ADGRB3: variants seen among roughly 807,000 people sequenced by gnomAD.
ADGRB3 encodes the protein adhesion G protein-coupled receptor B3.
Under a neutral mutation model 193.4 loss-of-function variants are expected in ADGRB3, and 37 were observed. The observed-to-expected ratio is 0.19, with a 90% CI of 0.15 to 0.25. The LOEUF (loss-of-function observed/expected upper bound fraction) is 0.25, where lower values mean the gene tolerates loss of function less well. ADGRB3 is among the 10% of genes least tolerant of loss of function. ADGRB3 has a pLI of 1.00. For synonymous variants in ADGRB3, 690 were observed against 644.2 expected (o/e 1.07, Z -1.08); for missense variants, 1,637 against 1,852.9 (o/e 0.88, Z 2.14).
intron 3 of ADGRB3, among the ~76,000 whole-genome samples, chr6:68,705,341 G>T (rs1765306681): frequency 6.6e-6 from 1 of 152,190 alleles, no homozygotes; most frequent in Non-Finnish European, 1.5e-5. Flanking sequence ...CAGAGTAAAT[G>T]CTCAATAAAT....
At chr6:68,781,975 T>C (rs545327361) in intron 3 of ADGRB3, among the ~76,000 whole-genome samples, 26 of 152,184 alleles carry the variant, frequency 1.7e-4, no homozygotes, top group African/African-American at 6.3e-4. Context: ...TTTTTTTTAT[T>C]TTATTTTTAT....
At chr6:68,819,587 G>C (rs1440453424) in intron 3 of ADGRB3, among the ~76,000 whole-genome samples, 1 of 151,964 alleles carries the variant, frequency 6.6e-6, no homozygotes, top group African/African-American at 2.4e-5. Context: ...ATATGCAGCT[G>C]CTGCGGAGTA....
At chr6:69,361,548 T>C in intron 29 of ADGRB3, 36 bp downstream of exon 29, 1 of 1,575,932 alleles carries the variant, frequency 6.3e-7, no homozygotes, top group Non-Finnish European at 8.7e-7. Flanking sequence ...CCTTGATAGT[T>C]GAAATATGAA....
At chr6:68,744,997 A>G (rs1003407166) in intron 3 of ADGRB3, among the ~76,000 whole-genome samples, 3 of 152,172 alleles carry the variant, frequency 2.0e-5, no homozygotes, top group Non-Finnish European at 1.5e-5. Context: ...AATAAAAAAG[A>G]TGGAAAGTGC....
At chr6:68,786,211 G>T (rs1023163197) in intron 3 of ADGRB3, among the ~76,000 whole-genome samples, 122 of 152,188 alleles carry the variant, frequency 8.0e-4, no homozygotes, top group African/African-American at 2.6e-3. Context: ...TGGTGTTTTA[G>T]ACATGAAGTC....
chr6:69,095,475 A>G (rs72919315), intron 17 of ADGRB3, among the ~76,000 whole-genome samples: 5,729 of 152,268 alleles, frequency 0.038, 145 homozygotes, highest in Non-Finnish European at 0.055. Context: ...AGGCACACCC[A>G]ACATATTTAG....
intron 12 of ADGRB3, among the ~76,000 whole-genome samples, chr6:69,016,506 G>A (rs1254138674): frequency 6.6e-6 from 1 of 151,896 alleles, no homozygotes; most frequent in South Asian, 2.1e-4. Context: ...GTAATTGGCA[G>A]TGACCATCTT....
intron 13 of ADGRB3, among the ~76,000 whole-genome samples, chr6:69,021,628 G>A (rs1770273578): frequency 6.6e-6 from 1 of 151,816 alleles, no homozygotes; most frequent in Non-Finnish European, 1.5e-5. Flanking sequence ...ACCTTTGAGA[G>A]CATTAGTTCT....
At chr6:68,987,452 A>G (rs1015656395) in intron 10 of ADGRB3, among the ~76,000 whole-genome samples, 5 of 152,082 alleles carry the variant, frequency 3.3e-5, no homozygotes, top group Non-Finnish European at 7.4e-5. Flanking sequence ...GTTTCTTCAT[A>G]TGAAAAAGAT....
intron 26 of ADGRB3, among the ~76,000 whole-genome samples, chr6:69,342,320 C>T (rs1260457996): frequency 6.6e-6 from 1 of 152,012 alleles, no homozygotes. Context: ...TCTTTAGCTC[C>T]ATCACTGAAA....
At chr6:68,739,418 T>C (rs778754455) in intron 3 of ADGRB3, among the ~76,000 whole-genome samples, 33 of 152,088 alleles carry the variant, frequency 2.2e-4, no homozygotes, top group Non-Finnish European at 3.8e-4. Context: ...AATGATTACA[T>C]AGGAAACAAA....
chr6:69,357,236 A>G (rs1319895116), intron 28 of ADGRB3, among the ~76,000 whole-genome samples: 1 of 152,066 alleles, frequency 6.6e-6, no homozygotes, highest in African/African-American at 2.4e-5. Context: ...TGATTTGCAT[A>G]TGATTTCTAT....
intron 23 of ADGRB3, 190 bp from the exon 24 acceptor site, chr6:69,332,733 A>G (rs1360218559): frequency 1.1e-5 from 11 of 985,322 alleles, no homozygotes; most frequent in Non-Finnish European, 1.2e-5. Context: ...GTACTTTACA[A>G]CTTTAAAGTA....
rs1318273833 is a variant in ADGRB3 at position 69,349,117 on chromosome 6, C to T, written c.3460-5116C>T. Among the ~76,000 whole-genome samples, 3 of 152,230 alleles carry T rather than the reference C, an allele frequency of 2.0e-5. No homozygotes were observed. The East Asian group carries it at 5.8e-4, about 29-fold the overall frequency. ...TCTGTGACACTGAAATAATGTCTGC[C>T]ACAAAGGGGATGGCATGAGGCTGAA... is the stretch of plus-strand genomic sequence containing the variant. On this transcript the variant is annotated intron_variant, in intron 26 of 31. Coordinates refer to ENST00000370598, the MANE Select transcript of ADGRB3 (RefSeq NM_001704.3).
chr6:68,683,090 A>G (rs1431873403), intron 3 of ADGRB3, among the ~76,000 whole-genome samples: 1 of 152,120 alleles, frequency 6.6e-6, no homozygotes, highest in Non-Finnish European at 1.5e-5. Context: ...TGGCCAATTC[A>G]GTGTTTTCTT....
chr6:68,663,585 GT>G (rs1402119196), intron 3 of ADGRB3, among the ~76,000 whole-genome samples: 1 of 151,712 alleles, frequency 6.6e-6, no homozygotes, highest in Non-Finnish European at 1.5e-5. Flanking sequence ...GAACTTCAGG[GT>G]TAATATGAAA....
At chr6:68,686,014 T>C (rs1423580965) in intron 3 of ADGRB3, among the ~76,000 whole-genome samples, 1 of 152,240 alleles carries the variant, frequency 6.6e-6, no homozygotes, top group Non-Finnish European at 1.5e-5. Context: ...CATGTCAATA[T>C]AATCTTTTTA....
At chr6:68,974,214 A>T (rs1310369560) in intron 8 of ADGRB3, among the ~76,000 whole-genome samples, 1 of 152,162 alleles carries the variant, frequency 6.6e-6, no homozygotes, top group Non-Finnish European at 1.5e-5. Flanking sequence ...TTGTAGGCAA[A>T]TCCAAATGAC....
intron 10 of ADGRB3, among the ~76,000 whole-genome samples, chr6:68,988,317 G>A (rs565094399): frequency 2.0e-5 from 3 of 152,176 alleles, no homozygotes; most frequent in Admixed American, 1.3e-4. Flanking sequence ...AAAAGAATTC[G>A]TGAAGGAGAA....
Sources: gnomAD v4.1 joint callset for allele counts (sites outside exome capture counted in the v4.1 genomes callset) on GRCh38, gnomAD v4.1.1 for gene constraint, MANE v1.5 for transcripts, NCBI Gene and HGNC (gene_info 2026-07-23, HGNC 2026-07-21) for gene names.